SDK1: variants seen among roughly 807,000 people sequenced by gnomAD.
SDK1 encodes the protein protein sidekick-1.
A neutral mutation model predicts 245.5 loss-of-function variants in SDK1; 157 were observed. The ratio of observed to expected loss-of-function variants is 0.64; its 90% CI spans 0.56 to 0.73. The LOEUF (loss-of-function observed/expected upper bound fraction) is 0.73. Among genes scored for constraint, SDK1 ranks in the 30% least tolerant of loss-of-function variants. The pLI is 0.00. For missense variants in SDK1, 3,583 were observed against 3,002.3 expected (o/e 1.19, Z -4.52); for synonymous variants, 1,647 against 1,278.5 (o/e 1.29, Z -6.15).
chr7:3,492,761 T>C (rs1242570807), intron 1 of SDK1, among the ~76,000 whole-genome samples: 4 of 152,282 alleles, frequency 2.6e-5, no homozygotes, highest in East Asian at 1.9e-4. Context: ...TCCCACCTCA[T>C]TGGCAATAAT....
chr7:3,636,520 T>C (rs2128650012), intron 2 of SDK1, among the ~76,000 whole-genome samples: 1 of 152,370 alleles, frequency 6.6e-6, no homozygotes, highest in Admixed American at 6.5e-5. Flanking sequence ...CGTCATGCTA[T>C]GTAGCAAATG....
At chr7:4,011,442 C>G (rs1338094405) in intron 15 of SDK1, among the ~76,000 whole-genome samples, 1 of 152,218 alleles carries the variant, frequency 6.6e-6, no homozygotes, top group Non-Finnish European at 1.5e-5. Flanking sequence ...TCTTTGTCCA[C>G]CCCACTGCCG....
At position 3,556,002 on chromosome 7, in the gene SDK1, G is replaced by A. The variant is rs142390937; in HGVS notation, c.299-63078G>A. On this transcript the variant is annotated intron_variant, in intron 1 of 44. Coordinates refer to ENST00000404826, the MANE Select transcript of SDK1 (RefSeq NM_152744.4). The stretch of plus-strand genomic sequence containing the variant: ...ATTAGGGAAACCACCATGGAGAGCA[G>A]TTTGGAGGTTTCTCAAAAAAGTAAA... Among the ~76,000 whole-genome samples the A allele has an allele frequency of 2.5e-3, 388 of 152,274 alleles. 8 individuals are homozygous for A. Among genetic ancestry groups the A allele is most frequent in the Non-Finnish European group, 3.4e-4 (23 of 68,016 alleles).
At chr7:4,139,051 C>G (rs1242480819) in intron 28 of SDK1, among the ~76,000 whole-genome samples, 1 of 152,262 alleles carries the variant, frequency 6.6e-6, no homozygotes, top group Non-Finnish European at 1.5e-5. Context: ...CTGCAGCTCC[C>G]CCCGTGTCAT....
chr7:3,704,227 T>C (rs1784823007), intron 4 of SDK1, among the ~76,000 whole-genome samples: 1 of 152,020 alleles, frequency 6.6e-6, no homozygotes, highest in African/African-American at 2.4e-5. Flanking sequence ...TATTTTGTTC[T>C]TTTTTTTATG....
At chr7:4,126,933 C>G (rs536437501) in intron 25 of SDK1, among the ~76,000 whole-genome samples, 1 of 152,270 alleles carries the variant, frequency 6.6e-6, no homozygotes, top group Admixed American at 6.5e-5. Flanking sequence ...TGGATAAGCA[C>G]CTAGTCAACC....
At chr7:3,609,803 C>T (rs939790232) in intron 1 of SDK1, among the ~76,000 whole-genome samples, 4 of 151,330 alleles carry the variant, frequency 2.6e-5, no homozygotes, top group Non-Finnish European at 4.4e-5. Context: ...TGGGTTCAAG[C>T]GATTCTCCTG....
chr7:3,412,661 G>A (rs1379638977), intron 1 of SDK1, among the ~76,000 whole-genome samples: 1 of 152,188 alleles, frequency 6.6e-6, no homozygotes, highest in Non-Finnish European at 1.5e-5. Context: ...AAAGGCAGGG[G>A]CAGTTACGAT....
intron 4 of SDK1, among the ~76,000 whole-genome samples, chr7:3,750,598 T>G (rs548363133): frequency 2.6e-5 from 4 of 151,956 alleles, no homozygotes; most frequent in Non-Finnish European, 4.4e-5. Flanking sequence ...AGCCAAGGAG[T>G]AGTGTGGGGG....
chr7:3,473,677 ATT>A (rs10715062), intron 1 of SDK1, among the ~76,000 whole-genome samples: 96 of 149,864 alleles, frequency 6.4e-4, no homozygotes, highest in African/African-American at 2.0e-3. Context: ...ATCTTGAATT[ATT>A]TTTTTTTTTC....
At chr7:3,574,379 G>T (rs183869064) in intron 1 of SDK1, among the ~76,000 whole-genome samples, 85 of 152,138 alleles carry the variant, frequency 5.6e-4, no homozygotes, top group African/African-American at 2.0e-3. Flanking sequence ...GCTTCCCAAA[G>T]TGCTGGGATT....
intron 4 of SDK1, among the ~76,000 whole-genome samples, chr7:3,754,198 T>A (rs1779853981): frequency 6.6e-6 from 1 of 152,258 alleles, no homozygotes; most frequent in Non-Finnish European, 1.5e-5. Context: ...TATTACATTT[T>A]CATACAGTTG....
chr7:4,005,430 G>GTC (rs1472748618), intron 14 of SDK1, among the ~76,000 whole-genome samples: 4 of 141,890 alleles, frequency 2.8e-5, no homozygotes, highest in African/African-American at 5.1e-5. Flanking sequence ...GTGTGTGTGT[G>GTC]TGTGTGTTAA....
intron 1 of SDK1, among the ~76,000 whole-genome samples, chr7:3,512,009 G>GA (rs1782596657): frequency 6.6e-6 from 1 of 151,044 alleles, no homozygotes; most frequent in Non-Finnish European, 1.5e-5. Context: ...ATTCACTCTT[G>GA]ATATTGTACA....
At chr7:3,617,036 T>C (rs1234755304) in intron 1 of SDK1, among the ~76,000 whole-genome samples, 1 of 152,204 alleles carries the variant, frequency 6.6e-6, no homozygotes, top group Non-Finnish European at 1.5e-5. Flanking sequence ...ACTGACTGGG[T>C]AGCATTGAGC....
chr7:3,932,427 G>A (rs1780009287), intron 5 of SDK1, among the ~76,000 whole-genome samples: 1 of 152,206 alleles, frequency 6.6e-6, no homozygotes, highest in Non-Finnish European at 1.5e-5. Context: ...GTAGCAGATT[G>A]AGTAGAGAAC....
intron 4 of SDK1, among the ~76,000 whole-genome samples, chr7:3,808,149 T>G (rs903005584): frequency 2.6e-5 from 4 of 152,176 alleles, no homozygotes; most frequent in African/African-American, 9.7e-5. Flanking sequence ...CCGTGAGGGC[T>G]AGGTGAGATG....
At chr7:3,323,674 C>T (rs566668473) in intron 1 of SDK1, among the ~76,000 whole-genome samples, 4 of 152,160 alleles carry the variant, frequency 2.6e-5, no homozygotes, top group African/African-American at 7.2e-5. Context: ...TTCTGACTTA[C>T]GTTTTTAGTT....
intron 1 of SDK1, among the ~76,000 whole-genome samples, chr7:3,335,850 C>T (rs1780186735): frequency 6.6e-6 from 1 of 152,152 alleles, no homozygotes; most frequent in African/African-American, 2.4e-5. Context: ...GGAGCAGCCC[C>T]ATTTCTCTCT....
Sources: gnomAD v4.1 joint callset for allele counts (sites outside exome capture counted in the v4.1 genomes callset) on GRCh38, gnomAD v4.1.1 for gene constraint, MANE v1.5 for transcripts, NCBI Gene and HGNC (gene_info 2026-07-23, HGNC 2026-07-21) for gene names.